Variants in IGF1R observed in about 807,000 individuals in gnomAD.
The protein encoded by IGF1R is insulin-like growth factor 1 receptor.
A neutral mutation model predicts 144.6 loss-of-function variants in IGF1R; 44 were observed. The ratio of observed to expected loss-of-function variants is 0.30; its 90% CI spans 0.24 to 0.39. IGF1R has a LOEUF of 0.39. Ranked by LOEUF, IGF1R falls within the 10% of genes least tolerant of loss-of-function variation. The pLI is 1.00. For synonymous variants in IGF1R, 795 were observed against 722.8 expected, an observed-to-expected ratio of 1.10 and a Z score of -1.60; for missense variants, 1,355 against 1,833.7, an observed-to-expected ratio of 0.74 and a Z score of 4.77.
At chr15:98,831,799 C>T (rs921593462) in intron 2 of IGF1R, among the ~76,000 whole-genome samples, 8 of 152,186 alleles carry the variant, frequency 5.3e-5, no homozygotes, top group African/African-American at 1.9e-4. Context: ...TTTGAACACG[C>T]TCCAGAGGCA....
chr15:98,743,882 G>C (rs1567106505), intron 2 of IGF1R, among the ~76,000 whole-genome samples: 1 of 152,146 alleles, frequency 6.6e-6, no homozygotes, highest in Non-Finnish European at 1.5e-5. Context: ...GGCCAGGCCT[G>C]TGTTGGGGGT....
In IGF1R at chr15:98,891,687, A is replaced by C; in HGVS notation, c.953+50A>C. ...CACTACCCGCCCCACCTCACCCGCC[A>C]CCCTAGCACACAAAGGTAGACTCTG... On this transcript the variant is annotated intron_variant, in intron 3 of 20. Coordinates refer to ENST00000650285, the MANE Select transcript of IGF1R (RefSeq NM_000875.5). This position sits in a 1 kb window ranked among gnomAD's most constrained non-coding sequence, Gnocchi z 4.7. 1 of 1,547,094 alleles carries C rather than the reference A, an allele frequency of 6.5e-7. No homozygotes were observed. The highest frequency in any genetic ancestry group is 8.8e-7 in the Non-Finnish European group (1 of 1,136,282).
At chr15:98,766,219 A>G (rs1408676952) in intron 2 of IGF1R, among the ~76,000 whole-genome samples, 1 of 152,236 alleles carries the variant, frequency 6.6e-6, no homozygotes, top group East Asian at 1.9e-4. Flanking sequence ...CACGAATTCT[A>G]AAGCTTAAGT....
intron 2 of IGF1R, among the ~76,000 whole-genome samples, chr15:98,728,888 A>T (rs960286086): frequency 6.6e-6 from 1 of 152,158 alleles, no homozygotes; most frequent in Non-Finnish European, 1.5e-5. Flanking sequence ...TGGCTGTGCT[A>T]CCTCTTGGCT....
chr15:98,905,393 A>T (rs766232285), intron 5 of IGF1R, among the ~76,000 whole-genome samples: 2 of 152,144 alleles, frequency 1.3e-5, no homozygotes, highest in Non-Finnish European at 2.9e-5. Flanking sequence ...GTGGTGGCTC[A>T]CACCTGTAAT....
intron 2 of IGF1R, among the ~76,000 whole-genome samples, chr15:98,859,181 G>A (rs2012006012): frequency 6.6e-6 from 1 of 152,112 alleles, no homozygotes; most frequent in Non-Finnish European, 1.5e-5. Context: ...TGTATATTGA[G>A]ATCGGTGTAA....
At chr15:98,821,203 T>C (rs74641994) in intron 2 of IGF1R, among the ~76,000 whole-genome samples, 1,810 of 152,248 alleles carry the variant, frequency 0.012, 39 homozygotes, top group African/African-American at 0.041. Context: ...CGCGCTACAT[T>C]GCGCTAAATG....
chr15:98,701,872 G>T (rs181389508), intron 1 of IGF1R, among the ~76,000 whole-genome samples: 6 of 152,014 alleles, frequency 3.9e-5, no homozygotes, highest in Non-Finnish European at 8.8e-5. Context: ...ATTACTGTTT[G>T]CAGTAACACA....
intron 2 of IGF1R, among the ~76,000 whole-genome samples, chr15:98,728,243 G>A (rs907328165): frequency 1.3e-5 from 2 of 152,026 alleles, no homozygotes; most frequent in African/African-American, 4.8e-5. Context: ...GAGAAATCAC[G>A]CCTGTTGTTG....
At chr15:98,670,390 C>G (rs955835354) in intron 1 of IGF1R, among the ~76,000 whole-genome samples, 7 of 151,828 alleles carry the variant, frequency 4.6e-5, no homozygotes, top group African/African-American at 1.2e-4. Context: ...GGAAGCAAGG[C>G]TGGAGAGGAA....
At chr15:98,852,879 C>T (rs1004937585) in intron 2 of IGF1R, among the ~76,000 whole-genome samples, 6 of 152,226 alleles carry the variant, frequency 3.9e-5, no homozygotes, top group Non-Finnish European at 7.3e-5. Context: ...TGGCTTTCTT[C>T]TCTTCCATCT....
chr15:98,960,037 G>T lies in IGF1R; in HGVS notation c.*2595G>T, dbSNP rs1392272556. ...GATGGGACAGTTCTTGATTTTTTGG[G>T]TTTTTTTTCCCCCAAACATTTATCT... On this transcript the variant is annotated 3_prime_UTR_variant, in exon 21 of 21. Transcript: ENST00000650285. 2.1e-5 allele frequency: 5 copies of T among 232,802 alleles called. No individual in the cohort carries two copies. Among genetic ancestry groups the T allele is most frequent in the East Asian group, 6.0e-5 (1 of 16,570 alleles). 14.4% of individuals were successfully genotyped at this position (232,802 alleles called of 1,614,324 possible). A position where few individuals can be genotyped will look rare whatever the true frequency, so the allele number is the denominator to read the frequency against.
chr15:98,919,237 C>T (rs1231093531), intron 10 of IGF1R, among the ~76,000 whole-genome samples: 4 of 152,226 alleles, frequency 2.6e-5, no homozygotes, highest in South Asian at 4.1e-4. Flanking sequence ...CGTTGCTTCT[C>T]GTGGTCCTTT....
intron 2 of IGF1R, among the ~76,000 whole-genome samples, chr15:98,736,493 G>A (rs1313233293): frequency 6.6e-6 from 1 of 152,100 alleles, no homozygotes; most frequent in African/African-American, 2.4e-5. Context: ...TGTTTACAGG[G>A]TGATATCGTA....
At chr15:98,779,540 C>T (rs967892005) in intron 2 of IGF1R, among the ~76,000 whole-genome samples, 7 of 152,216 alleles carry the variant, frequency 4.6e-5, no homozygotes, top group African/African-American at 1.4e-4. Flanking sequence ...GCTCAGGTTA[C>T]ACCGTCAGCG....
At position 98,768,486 on chromosome 15, in the gene IGF1R, G is replaced by A. The variant is rs188810587; in HGVS notation, c.640+60379G>A. ...AAAAACTAGCTGGGCGTGGTGGTGCGTGCCTATAATTTCAGCTACTTGGGA... is the reference window on the plus strand; with the variant it reads ...AAAAACTAGCTGGGCGTGGTGGTGCATGCCTATAATTTCAGCTACTTGGGA... On this transcript the variant is annotated intron_variant, in intron 2 of 20. Transcript: ENST00000650285. 1.7e-3 allele frequency among the ~76,000 whole-genome samples: 256 copies of A among 151,192 alleles called. 4 individuals carry two copies. The highest frequency in any genetic ancestry group is 5.6e-3 in the African/African-American group (231 of 41,174).
intron 2 of IGF1R, among the ~76,000 whole-genome samples, chr15:98,872,854 AC>A (rs1388466445): frequency 6.9e-6 from 1 of 143,996 alleles, no homozygotes; most frequent in Admixed American, 7.3e-5. Context: ...AAAAAAAAAA[AC>A]AAAACAGACA....
chr15:98,671,707 T>C (rs1047923649), intron 1 of IGF1R, among the ~76,000 whole-genome samples: 1 of 152,220 alleles, frequency 6.6e-6, no homozygotes, highest in African/African-American at 2.4e-5. Context: ...ATTTCCCACT[T>C]CCTGATTCAT....
At position 98,706,713 on chromosome 15, in the gene IGF1R, A is replaced by C. The variant is rs60775328; in HGVS notation, c.95-849A>C. On this transcript the variant is annotated intron_variant, in intron 1 of 20. Coordinates refer to ENST00000650285, the MANE Select transcript of IGF1R (RefSeq NM_000875.5). ...ATTAAGTGAAGGAAGTGTGTTTACA[A>C]ATGTCATTTTTGTCTGATTTCACTT... 7.6e-3 allele frequency among the ~76,000 whole-genome samples: 1,158 copies of C among 152,296 alleles called. 20 individuals are homozygous for C. Among genetic ancestry groups the C allele is most frequent in the African/African-American group, 0.027 (1,105 of 41,560 alleles).
Sources: allele counts gnomAD v4.1 joint callset (sites outside exome capture counted in the v4.1 genomes callset), GRCh38; gene constraint gnomAD v4.1.1; non-coding constraint Gnocchi (gnomAD v3.1); transcripts MANE v1.5; gene names NCBI Gene and HGNC (gene_info 2026-07-23, HGNC 2026-07-21).